ZYG11B: variants seen among roughly 807,000 people sequenced by gnomAD.
ZYG11B encodes the protein zyg-11 family member B, cell cycle regulator, also known as protein zyg-11 homolog B.
ZYG11B carries 36 observed loss-of-function variants against 82.4 expected under a neutral mutation model. The observed-to-expected ratio is 0.44, with a 90% confidence interval of 0.33 to 0.58. The LOEUF is 0.58. Ranked by LOEUF, ZYG11B falls within the 20% of genes least tolerant of loss-of-function variation. ZYG11B has a pLI of 0.02. For synonymous variants in ZYG11B, 303 were observed against 312.8 expected, an observed-to-expected ratio of 0.97 and a Z score of 0.33; for missense variants, 552 against 895.6, an observed-to-expected ratio of 0.62 and a Z score of 4.90.
chr1:52,734,399 A>G (rs1429880476), intron 1 of ZYG11B, among the ~76,000 whole-genome samples: 1 of 151,960 alleles, frequency 6.6e-6, no homozygotes, highest in Admixed American at 6.6e-5. Flanking sequence ...AGTATATTTA[A>G]TAAGCGGTAG....
chr1:52,738,307 T>C (rs1420086233), intron 1 of ZYG11B, among the ~76,000 whole-genome samples: 2 of 151,844 alleles, frequency 1.3e-5, no homozygotes, highest in African/African-American at 2.4e-5. Flanking sequence ...GCCTCCTAAG[T>C]GGCTGGGACT....
rs955045228 is a variant in ZYG11B, at chr1:52,778,039, T to G, written c.952-1814T>G. 3.6e-4 allele frequency among the ~76,000 whole-genome samples: 55 copies of G among 152,198 alleles called. 1 individual carries two copies. Among genetic ancestry groups the G allele is most frequent in the Admixed American group, 3.6e-3 (55 of 15,274 alleles). On this transcript the variant is annotated intron_variant, in intron 3 of 13. Coordinates refer to ENST00000294353, the MANE Select transcript of ZYG11B (RefSeq NM_024646.3). ...CTTTGTCATCTACCCCAAAGCTCGC[T>G]TCAGCCTCCCAAAGTGGTGGGATTA...
At position 52,760,658 on chromosome 1, in the gene ZYG11B, A is replaced by G. The variant is rs182006043; in HGVS notation, c.196+4035A>G. On this transcript the variant is annotated intron_variant, in intron 2 of 13. Transcript: ENST00000294353. ...TTTTTTGTAGAGACAGGGTCTTGCC[A>G]TGTTCCCCAGGCTGGTCTCGAACTC... Among the ~76,000 whole-genome samples the G allele has an allele frequency of 8.2e-3, 1,244 of 151,530 alleles. 17 individuals are homozygous for G. In the Middle Eastern group the frequency reaches 0.13, roughly 16 times the overall value.
chr1:52,789,952 A>G (rs768979925), intron 5 of ZYG11B, 51 bp from the exon 6 acceptor site: 5 of 1,372,672 alleles, frequency 3.6e-6, no homozygotes, highest in African/African-American at 2.9e-5. Context: ...TGGTTAAAAT[A>G]TAACAAAGTG....
rs114460304 is a variant in ZYG11B at position 52,806,129 on chromosome 1, T to C, written c.1695+3990T>C. ...TTTAATTATTTATGGTCAGAGAATA[T>C]GCTTTGTTTGGTTTGAGTCCTTCTG... On this transcript the variant is annotated intron_variant, in intron 10 of 13. Coordinates refer to ENST00000294353, the MANE Select transcript of ZYG11B (RefSeq NM_024646.3). Among the ~76,000 whole-genome samples the C allele has an allele frequency of 4.3e-3, 648 of 152,318 alleles. 1 individual carries two copies. The highest frequency in any genetic ancestry group is 6.9e-3 in the Non-Finnish European group (469 of 68,014).
In ZYG11B at chr1:52,799,850, G is replaced by A. The variant is rs144645000; in HGVS notation, c.1486-1969G>A. On this transcript the variant is annotated intron_variant, in intron 8 of 13. Transcript: ENST00000294353. ...GTTATAAAGAGAGAGAAGGCTATTCGGGAATAATGAAAAGGGTAGGAATTC... is the reference window on the plus strand; with the variant it reads ...GTTATAAAGAGAGAGAAGGCTATTCAGGAATAATGAAAAGGGTAGGAATTC... Among the ~76,000 whole-genome samples the A allele has an allele frequency of 2.7e-3, 416 of 152,108 alleles. 3 individuals carry two copies. The highest frequency in any genetic ancestry group is 9.6e-3 in the African/African-American group (397 of 41,508).
intron 1 of ZYG11B, among the ~76,000 whole-genome samples, chr1:52,728,861 AT>A (rs55730485): frequency 0.084 from 12,497 of 149,170 alleles, 1,001 homozygotes; most frequent in East Asian, 0.35. Context: ...CCTCACAGGG[AT>A]TTTTTTTTTT....
rs374405399 is a variant in ZYG11B, at chr1:52,746,887, T to A, written c.31-9571T>A. 3.3e-3 allele frequency among the ~76,000 whole-genome samples: 499 copies of A among 150,726 alleles called. 4 individuals carry two copies. Among genetic ancestry groups the A allele is most frequent in the African/African-American group, 0.012 (480 of 41,140 alleles). On this transcript the variant is annotated intron_variant, in intron 1 of 13. Transcript: ENST00000294353. ...GATTTATTTTTGGAGTTTTTTTTTTTTTTTGGCGGGTAAGGTCTTTACTCC... is the reference window on the plus strand; with the variant it reads ...GATTTATTTTTGGAGTTTTTTTTTTATTTTGGCGGGTAAGGTCTTTACTCC...
chr1:52,766,184 G>A (rs947361209), intron 2 of ZYG11B, among the ~76,000 whole-genome samples: 3 of 148,162 alleles, frequency 2.0e-5, no homozygotes, highest in Non-Finnish European at 4.4e-5. Flanking sequence ...GCAGTGGTGC[G>A]ATCTTGGCTC....
intron 1 of ZYG11B, among the ~76,000 whole-genome samples, chr1:52,729,794 C>T (rs561879016): frequency 6.6e-6 from 1 of 152,060 alleles, no homozygotes; most frequent in African/African-American, 2.4e-5. Flanking sequence ...GAACTGAGGG[C>T]AGGGCCTGAG....
chr1:52,738,914 C>CTTTTT, intron 1 of ZYG11B, among the ~76,000 whole-genome samples: 1 of 138,992 alleles, frequency 7.2e-6, no homozygotes, highest in South Asian at 2.3e-4. Context: ...CCGGCCAGGA[C>CTTTTT]TTTTTTTTTT....
intron 1 of ZYG11B, among the ~76,000 whole-genome samples, chr1:52,741,625 T>C (rs945574302): frequency 1.3e-5 from 2 of 152,230 alleles, no homozygotes; most frequent in Non-Finnish European, 2.9e-5. Context: ...CACTATGTAG[T>C]AGGCATTGTT....
chr1:52,757,141 G>C (rs1644585340), intron 2 of ZYG11B, among the ~76,000 whole-genome samples: 1 of 151,772 alleles, frequency 6.6e-6, no homozygotes, highest in Non-Finnish European at 1.5e-5. Flanking sequence ...TCCTGGTTCA[G>C]CTTCCTGAGT....
At chr1:52,781,014 C>A (rs1011289151) in intron 4 of ZYG11B, among the ~76,000 whole-genome samples, 1 of 151,342 alleles carries the variant, frequency 6.6e-6, no homozygotes, top group Non-Finnish European at 1.5e-5. Flanking sequence ...TGTGGTGGTG[C>A]ACGCCAGTAA....
chr1:52,776,099 A>G (rs1353537197), intron 3 of ZYG11B, among the ~76,000 whole-genome samples: 2 of 148,980 alleles, frequency 1.3e-5, no homozygotes, highest in Non-Finnish European at 1.5e-5. Context: ...CATGCCTGTA[A>G]TCCCAGCTAC....
At chr1:52,816,467 C>T in intron 12 of ZYG11B, 65 bp from the exon 13 acceptor site, 2 of 1,119,000 alleles carry the variant, frequency 1.8e-6, no homozygotes, top group Admixed American at 4.3e-5. Context: ...GTTTAGGAAT[C>T]ACTGCTTTAG....
rs183069984 is a variant in ZYG11B, at chr1:52,802,785, A to G, written c.1695+646A>G. ...AATAAATGTTATTAAATTTAAAAAG[A>G]CTATAAAAATATATCACGAGGTCAG... On this transcript the variant is annotated intron_variant, in intron 10 of 13. Transcript: ENST00000294353. Among the ~76,000 whole-genome samples, 220 of 152,082 alleles carry G rather than the reference A, an allele frequency of 1.4e-3. 2 individuals carry two copies. Among genetic ancestry groups the G allele is most frequent in the African/African-American group, 5.0e-3 (207 of 41,502 alleles).
rs1645296281 is a variant in ZYG11B at position 52,823,285 on chromosome 1, C to G, written c.*1656C>G. On this transcript the variant is annotated 3_prime_UTR_variant, in exon 14 of 14. Coordinates refer to ENST00000294353, the MANE Select transcript of ZYG11B (RefSeq NM_024646.3). ...CCTGGGCAACATAGTGAGACTCGGT[C>G]TCTACCAAAAAAAAAAATTTTTTTT... 1 of 151,144 alleles carries G rather than the reference C, an allele frequency of 6.6e-6. No individual in the cohort carries two copies. Among genetic ancestry groups the G allele is most frequent in the South Asian group, 2.1e-4 (1 of 4,784 alleles). 9.4% of individuals were successfully genotyped at this position (151,144 alleles called of 1,614,324 possible).
At chr1:52,733,410 A>G (rs944483857) in intron 1 of ZYG11B, among the ~76,000 whole-genome samples, 7 of 152,126 alleles carry the variant, frequency 4.6e-5, no homozygotes, top group Non-Finnish European at 1.0e-4. Flanking sequence ...CCTGTAATCC[A>G]CATCTATAAT....
Sources: allele counts gnomAD v4.1 joint callset (sites outside exome capture counted in the v4.1 genomes callset), GRCh38; gene constraint gnomAD v4.1.1; transcripts MANE v1.5; gene names NCBI Gene and HGNC (gene_info 2026-07-23, HGNC 2026-07-21).